GTF2A1L: variants seen among roughly 807,000 people sequenced by gnomAD.
GTF2A1L encodes general transcription factor IIA subunit 1 like.
A neutral mutation model predicts 49.7 loss-of-function variants in GTF2A1L; 48 were observed. That is an observed-to-expected ratio of 0.97 (90% CI 0.77 to 1.23). GTF2A1L has a LOEUF of 1.23. GTF2A1L is among the 50% of genes most tolerant of loss of function. GTF2A1L has a pLI of 0.00. For synonymous variants in GTF2A1L, 246 were observed against 193.5 expected (o/e 1.27, Z -2.25); for missense variants, 736 against 564.8 (o/e 1.30, Z -3.07).
At chr2:48,643,131 C>G (rs890028952) in intron 4 of GTF2A1L, among the ~76,000 whole-genome samples, 4 of 151,836 alleles carry the variant, frequency 2.6e-5, no homozygotes, top group African/African-American at 7.3e-5. Flanking sequence ...TTTTTTTCCC[C>G]TCTAGAATGG....
chr2:48,640,971 T>C (rs983703034), intron 3 of GTF2A1L, among the ~76,000 whole-genome samples: 4 of 152,218 alleles, frequency 2.6e-5, no homozygotes, highest in Admixed American at 2.6e-4. Flanking sequence ...AATGCTTTTA[T>C]TCCAATGTCT....
chr2:48,620,731 C>A (rs193287817), intron 1 of GTF2A1L, 120 bp from the exon 2 acceptor site: 1 of 526,568 alleles, frequency 1.9e-6, no homozygotes, highest in Non-Finnish European at 2.5e-6. Context: ...GAACTGAGTT[C>A]GTGCCACCGC....
intron 6 of GTF2A1L, among the ~76,000 whole-genome samples, chr2:48,662,987 A>G (rs553192623): frequency 2.6e-5 from 4 of 152,244 alleles, no homozygotes; most frequent in African/African-American, 7.2e-5. Flanking sequence ...GGGTGATGAA[A>G]TTATCTGTAA....
At chr2:48,646,331 A>G (rs1186032537) in intron 5 of GTF2A1L, 122 bp from the exon 6 acceptor site, 4 of 843,828 alleles carry the variant, frequency 4.7e-6, no homozygotes, top group African/African-American at 3.5e-5. Flanking sequence ...GATAACCACC[A>G]TTAACATATT....
intron 3 of GTF2A1L, among the ~76,000 whole-genome samples, chr2:48,628,094 T>C (rs1459230143): frequency 6.9e-6 from 1 of 144,378 alleles, no homozygotes; most frequent in African/African-American, 2.5e-5. Flanking sequence ...CCATGGTGTA[T>C]ATATACCACA....
chr2:48,668,205 G>T (rs905157677), intron 6 of GTF2A1L, among the ~76,000 whole-genome samples: 1 of 152,078 alleles, frequency 6.6e-6, no homozygotes, highest in African/African-American at 2.4e-5. Context: ...TGATTGTAAA[G>T]GATGGAAAGT....
At position 48,646,975 on chromosome 2, in the gene GTF2A1L, A is replaced by G; in HGVS notation, c.911A>G (p.Tyr304Cys). The change falls in exon 6 of 9, where the codon TAT becomes TGT. Residue 304 changes from tyrosine to cysteine, a missense_variant. Transcript: ENST00000403751. ...IQLHILKNRMYGCDSVKQPRN... is the reference protein window; with the variant it reads ...IQLHILKNRMCGCDSVKQPRN... ...CTTCATATTCTTAAAAATAGGATGT[A>G]TGGATGTGATTCTGTAAAGCAACCA... is the stretch of plus-strand genomic sequence containing the variant. 5 of 1,614,142 alleles carry G rather than the reference A, an allele frequency of 3.1e-6. No individual in the cohort carries two copies. Among genetic ancestry groups the G allele is most frequent in the South Asian group, 1.1e-5 (1 of 91,066 alleles).
chr2:48,659,912 G>A (rs78502151), intron 6 of GTF2A1L, among the ~76,000 whole-genome samples: 6,614 of 152,042 alleles, frequency 0.044, 201 homozygotes, highest in Non-Finnish European at 0.063. Context: ...ACATATAAAG[G>A]CATAACATCT....
intron 6 of GTF2A1L, among the ~76,000 whole-genome samples, chr2:48,647,542 A>G (rs1035622952): frequency 1.4e-4 from 21 of 152,096 alleles, no homozygotes; most frequent in African/African-American, 4.8e-4. Context: ...ATGTTTTGAG[A>G]TAATTAATTA....
At chr2:48,622,270 T>C (rs1404557798) in intron 3 of GTF2A1L, among the ~76,000 whole-genome samples, 2 of 152,238 alleles carry the variant, frequency 1.3e-5, no homozygotes, top group Non-Finnish European at 2.9e-5. Flanking sequence ...GAATGTTGAA[T>C]TAGCAAATAC....
rs139697167 is a variant in GTF2A1L, at chr2:48,630,353, C to T, written c.247+9063C>T. Among the ~76,000 whole-genome samples the T allele has an allele frequency of 2.8e-5, 4 of 143,418 alleles. 1 individual carries two copies. Among genetic ancestry groups the T allele is most frequent in the African/African-American group, 9.9e-5 (4 of 40,412 alleles). The allele number at this position is 143,418 out of a possible 152,430, so 94.1% of individuals were successfully genotyped here. A position where few individuals can be genotyped will look rare whatever the true frequency, so the allele number is the denominator to read the frequency against. The stretch of plus-strand genomic sequence containing the variant: ...TTCCCTTCCTTGAGTAGATGCGTTC[C>T]TAGGTATTTTATTTTTGTGTGTGGC... On this transcript the variant is annotated intron_variant, in intron 3 of 8. Coordinates refer to ENST00000403751, the MANE Select transcript of GTF2A1L (RefSeq NM_006872.5).
intron 3 of GTF2A1L, among the ~76,000 whole-genome samples, chr2:48,634,105 T>C (rs1351602635): frequency 6.6e-6 from 1 of 152,100 alleles, no homozygotes; most frequent in Non-Finnish European, 1.5e-5. Context: ...AAGGTTAATA[T>C]TGATATGTGA....
intron 6 of GTF2A1L, among the ~76,000 whole-genome samples, chr2:48,668,130 A>C (rs1170322656): frequency 6.6e-6 from 1 of 152,166 alleles, no homozygotes; most frequent in Non-Finnish European, 1.5e-5. Context: ...TACCTCATAT[A>C]AGTGGAATCA....
intron 6 of GTF2A1L, among the ~76,000 whole-genome samples, chr2:48,654,516 G>A (rs1336579989): frequency 6.6e-6 from 1 of 152,048 alleles, no homozygotes. Flanking sequence ...CCGCGAAGCT[G>A]GGATTACAGG....
intron 5 of GTF2A1L, among the ~76,000 whole-genome samples, chr2:48,646,244 T>TA (rs1677498021): frequency 6.6e-6 from 1 of 151,910 alleles, no homozygotes; most frequent in South Asian, 2.1e-4. Context: ...AAAACATATG[T>TA]AATTAAAAAA....
At chr2:48,635,046 C>A (rs1676808323) in intron 3 of GTF2A1L, among the ~76,000 whole-genome samples, 1 of 152,178 alleles carries the variant, frequency 6.6e-6, no homozygotes, top group Admixed American at 6.5e-5. Context: ...TGATGAGGGG[C>A]AGCCTAAAAT....
chr2:48,641,981 A>G (rs1052776470), intron 3 of GTF2A1L, among the ~76,000 whole-genome samples: 2 of 152,230 alleles, frequency 1.3e-5, no homozygotes, highest in Non-Finnish European at 2.9e-5. Flanking sequence ...TCATAAAATA[A>G]TGAATTGGAA....
chr2:48,621,110 G>T, intron 2 of GTF2A1L, 57 bp from the exon 3 acceptor site: 1 of 1,550,162 alleles, frequency 6.5e-7, no homozygotes, highest in African/African-American at 1.4e-5. Context: ...AAAAAGAGAA[G>T]TATCATTATA....
At chr2:48,663,427 C>T (rs1422010188) in intron 6 of GTF2A1L, among the ~76,000 whole-genome samples, 1 of 151,962 alleles carries the variant, frequency 6.6e-6, no homozygotes, top group South Asian at 2.1e-4. Context: ...CAGAGTGAGA[C>T]CCTATCTCAA....
Sources: gnomAD v4.1 joint callset for allele counts (sites outside exome capture counted in the v4.1 genomes callset) on GRCh38, gnomAD v4.1.1 for gene constraint, MANE v1.5 for transcripts, NCBI Gene and HGNC (gene_info 2026-07-23, HGNC 2026-07-21) for gene names.